Variants in RABGAP1 observed in about 807,000 individuals in gnomAD.
RABGAP1 encodes the protein rab GTPase-activating protein 1.
Under a neutral mutation model 137.6 loss-of-function variants are expected in RABGAP1, and 23 were observed. That is an observed-to-expected ratio of 0.17 (90% CI 0.12 to 0.24). The LOEUF is 0.24. Among genes scored for constraint, RABGAP1 ranks in the 10% least tolerant of loss-of-function variants. The pLI is 1.00. For missense variants in RABGAP1, 906 were observed against 1,275.8 expected (o/e 0.71, Z 4.42); for synonymous variants, 451 against 450.7 (o/e 1.00, Z -0.01).
At chr9:123,020,778 A>G (rs2031578167) in intron 13 of RABGAP1, 1 of 389,658 alleles carries the variant, frequency 2.6e-6, no homozygotes, top group East Asian at 1.6e-4. Flanking sequence ...GATTATTTTA[A>G]TACTTCTCAC....
At chr9:122,941,946 G>A (rs7032485) in intron 1 of RABGAP1, among the ~76,000 whole-genome samples, 14,134 of 152,300 alleles carry the variant, frequency 0.093, 2,165 homozygotes, top group African/African-American at 0.32. Context: ...CATGCTGCTA[G>A]TGTTCCCGCT....
At chr9:122,995,006 A>T (rs1836941114) in intron 6 of RABGAP1, among the ~76,000 whole-genome samples, 1 of 152,156 alleles carries the variant, frequency 6.6e-6, no homozygotes, top group Admixed American at 6.6e-5. Context: ...AATCCTAGGT[A>T]TCCTGGAGGT....
chr9:123,103,227 C>A lies in RABGAP1; in HGVS notation c.*14C>A, dbSNP rs775226641. 6.2e-7 allele frequency: 1 copy of A among 1,612,784 alleles called. No homozygotes were observed. Among genetic ancestry groups the A allele is most frequent in the Admixed American group, 1.7e-5 (1 of 59,758 alleles). On this transcript the variant is annotated 3_prime_UTR_variant, in exon 26 of 26. Transcript: ENST00000373647. Reference sequence around the variant, plus strand: ...GAGACTTGCTGAGAGCAGCTGCCGCCTCCCGACACCTTCAGAAAACACGAC... The same window carrying A: ...GAGACTTGCTGAGAGCAGCTGCCGCATCCCGACACCTTCAGAAAACACGAC...
chr9:122,951,293 C>T (rs1418108020), intron 1 of RABGAP1, among the ~76,000 whole-genome samples: 1 of 152,126 alleles, frequency 6.6e-6, no homozygotes, highest in Non-Finnish European at 1.5e-5. Flanking sequence ...AGGTCACTTA[C>T]TGGGAGGTGG....
intron 17 of RABGAP1, among the ~76,000 whole-genome samples, chr9:123,074,929 T>C (rs2034466074): frequency 6.6e-6 from 1 of 152,164 alleles, no homozygotes; most frequent in Non-Finnish European, 1.5e-5. Context: ...CAGAACTTAG[T>C]TACATGACCA....
rs1156595443 is a variant in RABGAP1, at chr9:123,103,442, AG to A, written c.*230del. On this transcript the variant is annotated 3_prime_UTR_variant, in exon 26 of 26. Coordinates refer to ENST00000373647, the MANE Select transcript of RABGAP1 (RefSeq NM_012197.4). ...GCTCAGCCGACGCTCTGGACACTCT[AG>A]AAATCACTCCTCAGTGTGACCTCCC... 16 of 476,910 alleles carry A rather than the reference AG, an allele frequency of 3.4e-5. No individual in the cohort carries two copies. The highest frequency in any genetic ancestry group is 4.6e-5 in the Non-Finnish European group (13 of 280,590). The allele number at this position is 476,910 out of a possible 1,614,324, so 29.5% of individuals were successfully genotyped here.
chr9:123,001,212 T>A (rs976342195), intron 10 of RABGAP1, among the ~76,000 whole-genome samples: 1 of 152,190 alleles, frequency 6.6e-6, no homozygotes, highest in Admixed American at 6.5e-5. Flanking sequence ...TACTTTTATA[T>A]TGTTTATTAT....
In RABGAP1 at chr9:123,073,767, A is replaced by G. The variant is rs181131591; in HGVS notation, c.2109+90A>G. ...GAAATGGTGCCAGGGAGCATTGGTA[A>G]TTGCCTTAGCGATCCGTGGCTAAGG... is the stretch of plus-strand genomic sequence containing the variant. On this transcript the variant is annotated intron_variant, in intron 16 of 25. Transcript: ENST00000373647. 3,346 of 1,542,102 alleles carry G rather than the reference A, an allele frequency of 2.2e-3. 10 individuals are homozygous for G. Among genetic ancestry groups the G allele is most frequent in the Admixed American group, 3.8e-3 (199 of 51,788 alleles).
At chr9:123,073,822 T>A in intron 16 of RABGAP1, 145 bp downstream of exon 16, 1 of 1,129,662 alleles carries the variant, frequency 8.9e-7, no homozygotes, top group Non-Finnish European at 1.3e-6. Context: ...TTTATCACTA[T>A]GTGATTATGA....
At chr9:122,991,605 C>CTTT (rs1244355425) in intron 6 of RABGAP1, among the ~76,000 whole-genome samples, 3 of 139,352 alleles carry the variant, frequency 2.2e-5, no homozygotes, top group African/African-American at 8.2e-5. Context: ...CTCTCTCTCT[C>CTTT]TTTTTTTTTT....
chr9:123,000,226 T>C (rs1398874429), intron 10 of RABGAP1, among the ~76,000 whole-genome samples: 2 of 152,190 alleles, frequency 1.3e-5, no homozygotes, highest in Non-Finnish European at 2.9e-5. Flanking sequence ...TTCTGTTACT[T>C]TCTTCTGAAG....
At chr9:123,019,347 A>G (rs1324595213) in intron 12 of RABGAP1, among the ~76,000 whole-genome samples, 1 of 152,104 alleles carries the variant, frequency 6.6e-6, no homozygotes, top group Non-Finnish European at 1.5e-5. Context: ...TTTTTTCTAG[A>G]CAAAGTCTGT....
At chr9:123,007,756 A>G (rs1267246980) in intron 10 of RABGAP1, among the ~76,000 whole-genome samples, 1 of 150,470 alleles carries the variant, frequency 6.6e-6, no homozygotes, top group Non-Finnish European at 1.5e-5. Context: ...CATCTTTATG[A>G]TGTTGAGTCA....
At chr9:123,004,016 A>G (rs938971378) in intron 10 of RABGAP1, among the ~76,000 whole-genome samples, 2 of 152,230 alleles carry the variant, frequency 1.3e-5, no homozygotes, top group Admixed American at 1.3e-4. Context: ...CTATAACTGG[A>G]TACCCGGGCC....
At chr9:122,980,821 A>G (rs1163219479) in intron 2 of RABGAP1, among the ~76,000 whole-genome samples, 1 of 152,230 alleles carries the variant, frequency 6.6e-6, no homozygotes. Context: ...CATGGGGTGC[A>G]AAATGTAGAT....
intron 4 of RABGAP1, among the ~76,000 whole-genome samples, chr9:122,989,043 C>T (rs1159886096): frequency 3.4e-5 from 5 of 148,158 alleles, no homozygotes; most frequent in Non-Finnish European, 7.6e-5. Context: ...AAGAAATGTG[C>T]TTATTGATAT....
At chr9:122,954,795 G>C (rs1160065443) in intron 1 of RABGAP1, among the ~76,000 whole-genome samples, 2 of 152,222 alleles carry the variant, frequency 1.3e-5, no homozygotes. Flanking sequence ...AGTGGAAAGA[G>C]TATAGCCTTT....
At chr9:123,029,972 T>G (rs533952583) in intron 13 of RABGAP1, among the ~76,000 whole-genome samples, 1 of 152,322 alleles carries the variant, frequency 6.6e-6, no homozygotes, top group Admixed American at 6.5e-5. Flanking sequence ...GTCTTTTCCT[T>G]TTTTTGTTAC....
chr9:122,984,420 C>A, intron 2 of RABGAP1, 65 bp from the exon 3 acceptor site: 1 of 1,298,912 alleles, frequency 7.7e-7, no homozygotes, highest in South Asian at 1.3e-5. Flanking sequence ...AGAATGTGAA[C>A]CCATTTTAAT....
Sources: gnomAD v4.1 joint callset for allele counts (sites outside exome capture counted in the v4.1 genomes callset) on GRCh38, gnomAD v4.1.1 for gene constraint, MANE v1.5 for transcripts, NCBI Gene and HGNC (gene_info 2026-07-23, HGNC 2026-07-21) for gene names.